QRICH1: variants seen among roughly 807,000 people sequenced by gnomAD.
QRICH1 encodes the protein transcriptional regulator QRICH1.
Under a neutral mutation model 87.1 loss-of-function variants are expected in QRICH1, and 16 were observed. The ratio of observed to expected loss-of-function variants is 0.18; its 90% CI spans 0.12 to 0.28. The LOEUF (loss-of-function observed/expected upper bound fraction) is 0.28, where lower values mean the gene tolerates loss of function less well. QRICH1 is among the 10% of genes least tolerant of loss of function. The probability of loss-of-function intolerance (pLI) is 1.00; values close to 1 mark genes in which losing one functional copy is unlikely to be tolerated. For synonymous variants in QRICH1, 367 were observed against 368.4 expected (o/e 1.00, Z 0.05); for missense variants, 647 against 951.7 (o/e 0.68, Z 4.21).
intron 5 of QRICH1, 148 bp from the exon 6 acceptor site, chr3:49,044,652 T>G: frequency 1.7e-6 from 1 of 586,536 alleles, no homozygotes; most frequent in Non-Finnish European, 3.0e-6. Context: ...GACACTTCCA[T>G]AGTATGCCTA....
chr3:49,030,486 G>C lies in QRICH1; in HGVS notation c.2297C>G (p.Ala766Gly). ...AGTGCTTGCATTGGCCACTGCGATGGCCTCCTGAATTTCTCTTATCACCAG... is the reference window on the plus strand; with the variant it reads ...AGTGCTTGCATTGGCCACTGCGATGCCCTCCTGAATTTCTCTTATCACCAG... ...RILVIREIQE[A>G]IAVANASTMH is the part of the protein sequence containing the mutation. The change falls in exon 10 of 10, where the codon GCC becomes GGC. Residue 766 changes from alanine (A) to glycine (G), a missense_variant. Transcript: ENST00000395443. 6.2e-7 allele frequency: 1 copy of C among 1,613,764 alleles called. No individual in the cohort carries two copies. Among genetic ancestry groups the C allele is most frequent in the Non-Finnish European group, 8.5e-7 (1 of 1,180,020 alleles).
chr3:49,056,477 A>AC (rs1246815541), intron 3 of QRICH1, among the ~76,000 whole-genome samples: 1 of 152,234 alleles, frequency 6.6e-6, no homozygotes, highest in African/African-American at 2.4e-5. Context: ...GTGATAAACT[A>AC]CAAGTGTTTT....
At position 49,047,196 on chromosome 3, in the gene QRICH1, A is replaced by AGGTTGT; in HGVS notation, c.1388_1389insACAACC (p.Gln462_Pro463dup). The stretch of plus-strand genomic sequence containing the variant: ...AATTTGGAAGCAGAAGTTCTGGGGA[A>AGGTTGT]GGCTGTGGCTGTGACTGTGGTTCAA... On this transcript the variant is annotated inframe_insertion, in exon 4 of 10. Transcript: ENST00000395443. The AGGTTGT allele has an allele frequency of 6.2e-7, 1 of 1,614,208 alleles. No individual in the cohort carries two copies. The highest frequency in any genetic ancestry group is 1.1e-5 in the South Asian group (1 of 91,086).
chr3:49,072,032 T>C (rs995130225), intron 2 of QRICH1, among the ~76,000 whole-genome samples: 4 of 151,882 alleles, frequency 2.6e-5, no homozygotes, highest in African/African-American at 9.7e-5. Context: ...CTTTTCTTCC[T>C]TACAAAGACA....
chr3:49,055,150 A>C (rs972583080), intron 3 of QRICH1, among the ~76,000 whole-genome samples: 3 of 152,198 alleles, frequency 2.0e-5, no homozygotes, highest in African/African-American at 7.2e-5. Flanking sequence ...CAGGTCCTTA[A>C]CAATGTCACC....
intron 2 of QRICH1, among the ~76,000 whole-genome samples, chr3:49,065,763 C>T (rs1028765687): frequency 6.6e-6 from 1 of 151,816 alleles, no homozygotes; most frequent in African/African-American, 2.4e-5. Context: ...TCACTGCAAG[C>T]TCCACTTCCC....
chr3:49,066,854 A>G (rs1003242893), intron 2 of QRICH1, among the ~76,000 whole-genome samples: 1 of 151,970 alleles, frequency 6.6e-6, no homozygotes, highest in East Asian at 1.9e-4. Flanking sequence ...CCTGGCCAAC[A>G]TGGTTAAACC....
intron 5 of QRICH1, among the ~76,000 whole-genome samples, chr3:49,046,177 C>CA (rs2093338302): frequency 6.6e-6 from 1 of 151,522 alleles, no homozygotes; most frequent in Non-Finnish European, 1.5e-5. Flanking sequence ...CTCGGCCTCC[C>CA]AAAGCGCTGG....
intron 1 of QRICH1, among the ~76,000 whole-genome samples, chr3:49,087,828 A>AAG (rs2042196677): frequency 6.7e-6 from 1 of 148,670 alleles, no homozygotes; most frequent in African/African-American, 2.4e-5. Context: ...CAAAAAAAAA[A>AAG]AAAAAAAAAA....
chr3:49,085,935 G>T (rs1359042566), intron 1 of QRICH1, among the ~76,000 whole-genome samples: 1 of 151,912 alleles, frequency 6.6e-6, no homozygotes, highest in Admixed American at 6.6e-5. Context: ...CCAAGTAAAA[G>T]ACTTAGTAAG....
intron 5 of QRICH1, among the ~76,000 whole-genome samples, chr3:49,045,831 G>A (rs75211140): frequency 2.0e-5 from 3 of 152,100 alleles, no homozygotes; most frequent in Non-Finnish European, 2.9e-5. Context: ...GGGCTCAAGC[G>A]ATCCTCCTGC....
chr3:49,046,834 C>T (rs1001243200), intron 4 of QRICH1, among the ~76,000 whole-genome samples: 3 of 152,196 alleles, frequency 2.0e-5, no homozygotes, highest in African/African-American at 7.2e-5. Flanking sequence ...GTAGGGTCAA[C>T]TCCTGAAACC....
At chr3:49,078,442 T>C (rs1185376675) in intron 1 of QRICH1, among the ~76,000 whole-genome samples, 2 of 128,114 alleles carry the variant, frequency 1.6e-5, no homozygotes, top group African/African-American at 5.7e-5. Context: ...TTGCCCAGGC[T>C]GGAGTGCAGT....
In QRICH1 at chr3:49,033,248, G is replaced by C; in HGVS notation, c.1787-20C>G. The stretch of plus-strand genomic sequence containing the variant: ...CATAGCCTAGGAGGAATAGAGTACT[G>C]TCACAACAAGAGGATGGCAGGTGGT... On this transcript the variant is annotated intron_variant, in intron 6 of 9. Coordinates refer to ENST00000395443, the MANE Select transcript of QRICH1 (RefSeq NM_198880.3). 1 of 1,449,680 alleles carries C rather than the reference G, an allele frequency of 6.9e-7. No homozygotes were observed. The highest frequency in any genetic ancestry group is 9.2e-7 in the Non-Finnish European group (1 of 1,083,946). The allele number at this position is 1,449,680 out of a possible 1,614,324, so 89.8% of individuals were successfully genotyped here.
At chr3:49,060,899 G>C (rs2093430827) in intron 2 of QRICH1, among the ~76,000 whole-genome samples, 1 of 151,906 alleles carries the variant, frequency 6.6e-6, no homozygotes, top group Non-Finnish European at 1.5e-5. Flanking sequence ...GGGAGGCTGA[G>C]GAGGGCAGAT....
chr3:49,089,984 T>C (rs1179559887), intron 1 of QRICH1, among the ~76,000 whole-genome samples: 1 of 152,148 alleles, frequency 6.6e-6, no homozygotes, highest in Non-Finnish European at 1.5e-5. Flanking sequence ...TCGCCTAAAT[T>C]TACATGGATG....
At position 49,056,890 on chromosome 3, in the gene QRICH1, T is replaced by G. The variant is rs2093405417; in HGVS notation, c.1310A>C (p.Gln437Pro). Reference protein sequence around the residue: ...PQEQTPPPQQQQQQLQVTCSA... With the variant: ...PQEQTPPPQQPQQQLQVTCSA... ...ACAAGTAACTTGGAGTTGCTGCTGC[T>G]GCTGCTGTGGTGGTGGTGTCTGTTC... The change falls in exon 3 of 10, where the codon CAG (glutamine) becomes CCG (proline). Residue 437 changes from glutamine to proline, a missense_variant. Gln to Pro is a moderately conservative substitution (Grantham distance 76). This residue lies in a region of QRICH1 where 115 missense variants were observed against 126.8 expected (regional missense o/e 0.91). Coordinates refer to ENST00000395443, the MANE Select transcript of QRICH1 (RefSeq NM_198880.3). The G allele has an allele frequency of 2.5e-6, 4 of 1,614,164 alleles. No individual in the cohort carries two copies. Among genetic ancestry groups the G allele is most frequent in the Non-Finnish European group, 3.4e-6 (4 of 1,180,032 alleles).
intron 2 of QRICH1, among the ~76,000 whole-genome samples, chr3:49,064,234 A>ATTTT (rs1029737044): frequency 2.2e-5 from 2 of 92,312 alleles, no homozygotes; most frequent in Non-Finnish European, 4.5e-5. Context: ...GCTGGCCCTA[A>ATTTT]TTTTTTTTTT....
At chr3:49,077,471 C>T (rs2041972481) in intron 1 of QRICH1, among the ~76,000 whole-genome samples, 1 of 152,136 alleles carries the variant, frequency 6.6e-6, no homozygotes, top group African/African-American at 2.4e-5. Flanking sequence ...CCAAGTATTT[C>T]CTACAGCAGA....
Sources: allele counts gnomAD v4.1 joint callset (sites outside exome capture counted in the v4.1 genomes callset), GRCh38; gene constraint gnomAD v4.1.1; regional missense constraint gnomAD v4.1.1; transcripts MANE v1.5; gene names NCBI Gene and HGNC (gene_info 2026-07-23, HGNC 2026-07-21).